Variants in PLSCR1 observed in about 807,000 individuals in gnomAD.
PLSCR1 encodes the protein PL scramblase 1.
In PLSCR1, 17 loss-of-function variants were observed where a neutral mutation model predicts 37.8. The ratio of observed to expected loss-of-function variants is 0.45; its 90% CI spans 0.31 to 0.68. The LOEUF is 0.68. Among genes scored for constraint, PLSCR1 ranks in the 30% least tolerant of loss-of-function variants. PLSCR1 has a pLI of 0.06. For missense variants in PLSCR1, 347 were observed against 380.9 expected (o/e 0.91, Z 0.74); for synonymous variants, 116 against 125.9 (o/e 0.92, Z 0.53).
rs544944629 is a variant in PLSCR1 at position 146,526,787 on chromosome 3, A to G, written c.313-1140T>C. Reference sequence around the variant, plus strand: ...TTAAGTGAAATAAGCCAGGCACAGAAAGAAAAATACTGAATGTTCTCACTC... The same window carrying G: ...TTAAGTGAAATAAGCCAGGCACAGAGAGAAAAATACTGAATGTTCTCACTC... On this transcript the variant is annotated intron_variant, in intron 4 of 8. Coordinates refer to ENST00000342435, the MANE Select transcript of PLSCR1 (RefSeq NM_021105.3). Among the ~76,000 whole-genome samples the G allele has an allele frequency of 1.2e-3, 186 of 150,694 alleles. 4 individuals are homozygous for G. In the South Asian group the frequency reaches 0.038, roughly 31 times the overall value.
chr3:146,517,321 A>C, intron 7 of PLSCR1, 154 bp from the exon 8 acceptor site: 1 of 377,674 alleles, frequency 2.6e-6, no homozygotes. Context: ...CTATTTATAG[A>C]TATATGAAAA....
chr3:146,544,333 C>G (rs529022102), intron 1 of PLSCR1, 134 bp downstream of exon 1: 139 of 151,716 alleles, frequency 9.2e-4, no homozygotes, highest in African/African-American at 3.3e-3. Flanking sequence ...GCAGCAAACA[C>G]AACCTGCGGG....
Position 146,516,053 on chromosome 3 carries a change from C to T in PLSCR1, c.949G>A (p.Val317Met). The change falls in exon 9 of 9, where the codon GTG becomes ATG. Residue 317 changes from valine (V) to methionine (M), a missense_variant. Transcript: ENST00000342435. ...AGACTTTCACTAATCCACTACCACA[C>T]TCCTGATTTTTGTTCCTGGCTGCCA... ...STGSQEQKSGVW is the reference protein window; with the variant it reads ...STGSQEQKSGMW The T allele has an allele frequency of 1.9e-6, 3 of 1,605,966 alleles. No individual in the cohort carries two copies. The highest frequency in any genetic ancestry group is 1.1e-5 in the South Asian group (1 of 90,696).
chr3:146,532,437 C>T (rs1168119298), intron 3 of PLSCR1, among the ~76,000 whole-genome samples: 5 of 152,186 alleles, frequency 3.3e-5, no homozygotes, highest in African/African-American at 1.2e-4. Context: ...TGCCTTTGCA[C>T]TACTATTTTT....
At chr3:146,535,808 T>C (rs2738922) in intron 2 of PLSCR1, among the ~76,000 whole-genome samples, 1 of 152,152 alleles carries the variant, frequency 6.6e-6, no homozygotes, top group Non-Finnish European at 1.5e-5. Flanking sequence ...GCAAGGAGTC[T>C]AGTCCTGGAG....
chr3:146,524,478 A>G (rs1359792860), intron 5 of PLSCR1, among the ~76,000 whole-genome samples: 1 of 152,008 alleles, frequency 6.6e-6, no homozygotes, highest in East Asian at 1.9e-4. Context: ...AATAAGCATA[A>G]TTAAAAACTG....
intron 7 of PLSCR1, among the ~76,000 whole-genome samples, chr3:146,521,261 A>G (rs558419068): frequency 8.6e-4 from 131 of 152,322 alleles, no homozygotes; most frequent in African/African-American, 3.1e-3. Flanking sequence ...GATAATATAC[A>G]GTGTCATCAC....
chr3:146,533,335 AT>A, intron 3 of PLSCR1, 134 bp downstream of exon 3: 1 of 450,972 alleles, frequency 2.2e-6, no homozygotes, highest in Non-Finnish European at 4.0e-6. Context: ...CATTAATATA[AT>A]TTTAAAAAAA....
In PLSCR1 at chr3:146,515,861, G is replaced by T. The variant is rs1014290960; in HGVS notation, c.*184C>A. 16 of 418,134 alleles carry T rather than the reference G, an allele frequency of 3.8e-5. No homozygotes were observed. The highest frequency in any genetic ancestry group is 6.8e-5 in the Non-Finnish European group (16 of 235,122). 25.9% of individuals were successfully genotyped at this position (418,134 alleles called of 1,614,324 possible). A position where few individuals can be genotyped will look rare whatever the true frequency, so the allele number is the denominator to read the frequency against. On this transcript the variant is annotated 3_prime_UTR_variant, in exon 9 of 9. Coordinates refer to ENST00000342435, the MANE Select transcript of PLSCR1 (RefSeq NM_021105.3). ...ATGTCCTTTTTCTCAAATTGACAAT[G>T]AGTATTAAAAAATGTACAAAAACCT...
intron 1 of PLSCR1, among the ~76,000 whole-genome samples, chr3:146,538,369 A>T (rs952622254): frequency 2.0e-5 from 3 of 152,212 alleles, no homozygotes; most frequent in African/African-American, 4.8e-5. Context: ...ACTATACTTT[A>T]AAATGCCAAT....
chr3:146,540,216 A>T (rs979155890), intron 1 of PLSCR1, among the ~76,000 whole-genome samples: 20 of 152,246 alleles, frequency 1.3e-4, no homozygotes, highest in Non-Finnish European at 2.8e-4. Flanking sequence ...TTACTCCAGT[A>T]TGAACACAGA....
intron 1 of PLSCR1, among the ~76,000 whole-genome samples, chr3:146,541,339 G>A (rs2044335861): frequency 6.6e-6 from 1 of 152,084 alleles, no homozygotes. Context: ...AAACCAAAGA[G>A]ACAAAGGAAA....
intron 5 of PLSCR1, 74 bp from the exon 6 acceptor site, chr3:146,522,127 C>T (rs1398188619): frequency 1.2e-6 from 1 of 865,134 alleles, no homozygotes; most frequent in Non-Finnish European, 1.9e-6. Flanking sequence ...ATTATAATAT[C>T]TAGCTATGCC....
At chr3:146,526,324 G>T (rs2044115957) in intron 4 of PLSCR1, among the ~76,000 whole-genome samples, 1 of 151,110 alleles carries the variant, frequency 6.6e-6, no homozygotes, top group Admixed American at 6.6e-5. Flanking sequence ...TATTATCTTT[G>T]TACAGTTAAG....
rs1000949258 is a variant in PLSCR1 at position 146,515,835 on chromosome 3, T to C, written c.*210A>G. The C allele has an allele frequency of 1.5e-5, 6 of 390,768 alleles. No homozygotes were observed. Among genetic ancestry groups the C allele is most frequent in the Non-Finnish European group, 2.7e-5 (6 of 220,266 alleles). The allele number at this position is 390,768 out of a possible 1,614,324, so 24.2% of individuals were successfully genotyped here. ...TTTCATTAATAAATGCAAAAACTCATATGTCCTTTTTCTCAAATTGACAAT... is the reference window on the plus strand; with the variant it reads ...TTTCATTAATAAATGCAAAAACTCACATGTCCTTTTTCTCAAATTGACAAT... On this transcript the variant is annotated 3_prime_UTR_variant, in exon 9 of 9. Transcript: ENST00000342435.
chr3:146,526,183 C>CAAAAAAAAA (rs60229241), intron 4 of PLSCR1, among the ~76,000 whole-genome samples: 6 of 42,822 alleles, frequency 1.4e-4, no homozygotes, highest in Non-Finnish European at 1.6e-4. Flanking sequence ...GACTCCATCT[C>CAAAAAAAAA]AAAAAAAAAA....
rs1193311079 is a variant in PLSCR1 at position 146,525,619 on chromosome 3, A to G, written c.341T>C (p.Ile114Thr). Residue 114 changes from isoleucine to threonine, a missense_variant, in exon 5 of 9, where the codon ATT becomes ACT. Ile to Thr is a moderately conservative substitution (Grantham distance 89). Transcript: ENST00000342435. ...QIDQILIHQQIELLEVLTGFE... is the reference protein window; with the variant it reads ...QIDQILIHQQTELLEVLTGFE... ...TGAATACATACCTTCCAGAAGTTCA[A>G]TTTGCTGATGAATCAGTATCTGATC... 1 of 1,515,796 alleles carries G rather than the reference A, an allele frequency of 6.6e-7. No homozygotes were observed. The highest frequency in any genetic ancestry group is 1.1e-5 in the South Asian group (1 of 88,024). The allele number at this position is 1,515,796 out of a possible 1,614,324, so 93.9% of individuals were successfully genotyped here. A position where few individuals can be genotyped will look rare whatever the true frequency, so the allele number is the denominator to read the frequency against.
At chr3:146,534,650 A>G (rs930009139) in intron 2 of PLSCR1, among the ~76,000 whole-genome samples, 1 of 152,132 alleles carries the variant, frequency 6.6e-6, no homozygotes, top group East Asian at 1.9e-4. Flanking sequence ...AAATCAGGCA[A>G]AAAAACCGCT....
intron 4 of PLSCR1, chr3:146,528,140 G>A (rs1371116499): frequency 1.3e-5 from 2 of 152,364 alleles, no homozygotes; most frequent in African/African-American, 4.8e-5. Flanking sequence ...AAATTATAAG[G>A]CAATTATTCA....
Sources: allele counts gnomAD v4.1 joint callset (sites outside exome capture counted in the v4.1 genomes callset), GRCh38; gene constraint gnomAD v4.1.1; transcripts MANE v1.5; gene names NCBI Gene and HGNC (gene_info 2026-07-23, HGNC 2026-07-21).